The following SLC41A2 variants were observed in gnomAD, a reference collection of about 807,000 sequenced individuals.
The protein encoded by SLC41A2 is SLC41A1-like 1.
In SLC41A2, 32 loss-of-function variants were observed where a neutral mutation model predicts 58.3. The ratio of observed to expected loss-of-function variants is 0.55; its 90% CI spans 0.41 to 0.74. The LOEUF (loss-of-function observed/expected upper bound fraction) is 0.74. Ranked by LOEUF, SLC41A2 falls within the 30% of genes least tolerant of loss-of-function variation. The pLI is 0.00. For missense variants in SLC41A2, 514 were observed against 680.6 expected, an observed-to-expected ratio of 0.76 and a Z score of 2.72; for synonymous variants, 190 against 235.0, an observed-to-expected ratio of 0.81 and a Z score of 1.75.
chr12:104,917,253 T>C lies in SLC41A2; in HGVS notation c.556-7491A>G, dbSNP rs1341588914. Among the ~76,000 whole-genome samples, 44 of 150,650 alleles carry C rather than the reference T, an allele frequency of 2.9e-4. No individual in the cohort carries two copies. In the East Asian group the frequency reaches 7.8e-3, roughly 27 times the overall value. Reference sequence around the variant, plus strand: ...TCACCATCACTGGCCATCAGAGAAATGCAAATCAAAACCACAATGAGATAC... The same window carrying C: ...TCACCATCACTGGCCATCAGAGAAACGCAAATCAAAACCACAATGAGATAC... On this transcript the variant is annotated intron_variant, in intron 2 of 10. Transcript: ENST00000258538.
chr12:104,950,555 T>C (rs945805136), intron 1 of SLC41A2, among the ~76,000 whole-genome samples: 4 of 152,186 alleles, frequency 2.6e-5, no homozygotes, highest in African/African-American at 9.7e-5. Flanking sequence ...GAGAACGGAC[T>C]AACACAGTCT....
intron 9 of SLC41A2, 66 bp from the exon 10 acceptor site, chr12:104,844,686 ATTAAAATTTGAGGATTAC>A: frequency 1.2e-6 from 1 of 854,008 alleles, no homozygotes; most frequent in Non-Finnish European, 1.6e-6. Context: ...GGTCATAGTT[ATTAAAATTTGAGGATTAC>A]TTTCTAGTTA....
chr12:104,845,051 A>C (rs1485981408), intron 9 of SLC41A2, among the ~76,000 whole-genome samples: 2 of 152,138 alleles, frequency 1.3e-5, no homozygotes, highest in East Asian at 3.8e-4. Context: ...TAGGAGGCCA[A>C]GGTGGGAGGA....
At chr12:104,887,207 G>A (rs894735868) in intron 5 of SLC41A2, among the ~76,000 whole-genome samples, 2 of 151,902 alleles carry the variant, frequency 1.3e-5, no homozygotes, top group African/African-American at 4.8e-5. Flanking sequence ...AACTTTAAAT[G>A]TGCTAACCAC....
intron 1 of SLC41A2, among the ~76,000 whole-genome samples, chr12:104,957,805 T>G (rs541438942): frequency 5.4e-4 from 82 of 152,246 alleles, no homozygotes; most frequent in African/African-American, 1.9e-3. Flanking sequence ...CCGCCGCCTG[T>G]CCCTGCCTTG....
chr12:104,902,966 C>A (rs2045629794), intron 3 of SLC41A2, among the ~76,000 whole-genome samples: 1 of 152,160 alleles, frequency 6.6e-6, no homozygotes, highest in East Asian at 1.9e-4. Flanking sequence ...GAAGAATATA[C>A]CATGTTATCA....
intron 6 of SLC41A2, among the ~76,000 whole-genome samples, chr12:104,869,810 G>A (rs2043670210): frequency 1.3e-5 from 2 of 152,114 alleles, no homozygotes. Flanking sequence ...TTTTATAGAT[G>A]TCATAAAATT....
intron 10 of SLC41A2, among the ~76,000 whole-genome samples, chr12:104,828,697 A>G (rs1224586100): frequency 6.6e-6 from 1 of 152,182 alleles, no homozygotes; most frequent in African/African-American, 2.4e-5. Flanking sequence ...TCATATTGTA[A>G]ACCTCAAAAA....
At chr12:104,805,639 T>A (rs909387081) in intron 10 of SLC41A2, among the ~76,000 whole-genome samples, 3 of 152,160 alleles carry the variant, frequency 2.0e-5, no homozygotes, top group Admixed American at 1.3e-4. Flanking sequence ...CAAAAGACTG[T>A]TTTTCTATGT....
In SLC41A2 at chr12:104,862,022, G is replaced by A. The variant is rs116987069; in HGVS notation, c.1176-652C>T. On this transcript the variant is annotated intron_variant, in intron 7 of 10. Coordinates refer to ENST00000258538, the MANE Select transcript of SLC41A2 (RefSeq NM_001352171.3). ...CAGTGGAACTTGGAGATTTTTCTAA[G>A]TTTCCAAGGCCATTATCAACTGGTT... 4.6e-5 allele frequency among the ~76,000 whole-genome samples: 7 copies of A among 152,278 alleles called. No individual in the cohort carries two copies. The East Asian group carries it at 1.3e-3, about 29-fold the overall frequency.
intron 1 of SLC41A2, among the ~76,000 whole-genome samples, chr12:104,948,824 A>G (rs1593194337): frequency 6.6e-6 from 1 of 152,236 alleles, no homozygotes; most frequent in African/African-American, 2.4e-5. Flanking sequence ...ATTTTTGAAC[A>G]CAGTTTATTG....
chr12:104,917,242 C>T (rs957850428), intron 2 of SLC41A2, among the ~76,000 whole-genome samples: 22 of 150,954 alleles, frequency 1.5e-4, no homozygotes, highest in African/African-American at 4.6e-4. Context: ...CATCACTGGC[C>T]ATCAGAGAAA....
At chr12:104,885,404 A>G (rs2044606815) in intron 6 of SLC41A2, among the ~76,000 whole-genome samples, 1 of 152,210 alleles carries the variant, frequency 6.6e-6, no homozygotes. Context: ...TCAAGAACAT[A>G]TATCTGAGAC....
intron 2 of SLC41A2, among the ~76,000 whole-genome samples, chr12:104,920,262 C>A (rs2046530451): frequency 6.6e-6 from 1 of 152,078 alleles, no homozygotes; most frequent in South Asian, 2.1e-4. Context: ...AAAATTGTTA[C>A]AGCTATCCTA....
At chr12:104,863,682 C>G (rs2043297987) in intron 7 of SLC41A2, among the ~76,000 whole-genome samples, 1 of 152,212 alleles carries the variant, frequency 6.6e-6, no homozygotes, top group South Asian at 2.1e-4. Flanking sequence ...CACTTCCCTC[C>G]CACTTTGATC....
At chr12:104,953,139 T>C (rs186798605) in intron 1 of SLC41A2, among the ~76,000 whole-genome samples, 1 of 152,310 alleles carries the variant, frequency 6.6e-6, no homozygotes, top group African/African-American at 2.4e-5. Context: ...TAACCAGTAC[T>C]GGTAAAACAA....
chr12:104,837,167 G>A (rs570997542), intron 10 of SLC41A2, among the ~76,000 whole-genome samples: 2 of 152,114 alleles, frequency 1.3e-5, no homozygotes, highest in South Asian at 4.1e-4. Flanking sequence ...TTAAGAAGGG[G>A]CTAGAATTAG....
intron 1 of SLC41A2, among the ~76,000 whole-genome samples, chr12:104,930,689 T>C (rs930274171): frequency 2.0e-5 from 3 of 152,190 alleles, no homozygotes; most frequent in African/African-American, 4.8e-5. Context: ...AGTGTCACCA[T>C]TCAGCCATTC....
intron 10 of SLC41A2, among the ~76,000 whole-genome samples, chr12:104,806,051 A>C (rs952280078): frequency 9.2e-5 from 14 of 151,472 alleles, no homozygotes; most frequent in East Asian, 3.9e-4. Flanking sequence ...GATTTTCTTT[A>C]TTTATTTATT....
Sources: allele counts gnomAD v4.1 joint callset (sites outside exome capture counted in the v4.1 genomes callset), GRCh38; gene constraint gnomAD v4.1.1; transcripts MANE v1.5; gene names NCBI Gene and HGNC (gene_info 2026-07-23, HGNC 2026-07-21).